Variants in CALCOCO2 observed in about 807,000 individuals in gnomAD.
The protein encoded by CALCOCO2 is calcium-binding and coiled-coil domain-containing protein 2.
CALCOCO2 carries 42 observed loss-of-function variants against 62.5 expected under a neutral mutation model. The observed-to-expected ratio is 0.67, with a 90% CI of 0.53 to 0.87. The LOEUF (loss-of-function observed/expected upper bound fraction) is 0.87. CALCOCO2 is among the 40% of genes least tolerant of loss of function. CALCOCO2 has a pLI of 0.00. For synonymous variants in CALCOCO2, 167 were observed against 173.0 expected, an observed-to-expected ratio of 0.97 and a Z score of 0.27; for missense variants, 456 against 515.0, an observed-to-expected ratio of 0.89 and a Z score of 1.11.
In CALCOCO2 at chr17:48,851,788, A is replaced by C. The variant is rs118009460; in HGVS notation, c.702+160A>C. Reference sequence around the variant, plus strand: ...CAGGTTATGTATTTTCCATTCTTGGACCAGGTAAGCCTCCACCCTACCCAT... The same window carrying C: ...CAGGTTATGTATTTTCCATTCTTGGCCCAGGTAAGCCTCCACCCTACCCAT... On this transcript the variant is annotated intron_variant, in intron 7 of 12. Transcript: ENST00000258947. 215 of 595,456 alleles carry C rather than the reference A, an allele frequency of 3.6e-4. No homozygotes were observed. The East Asian group carries it at 5.3e-3, about 15-fold the overall frequency. 36.9% of individuals were successfully genotyped at this position (595,456 alleles called of 1,614,324 possible).
chr17:48,857,759 G>A (rs1005481808), intron 10 of CALCOCO2, among the ~76,000 whole-genome samples: 5 of 149,472 alleles, frequency 3.3e-5, no homozygotes, highest in African/African-American at 9.8e-5. Flanking sequence ...TGGATCACAA[G>A]GTCAGGAGAT....
intron 2 of CALCOCO2, 62 bp downstream of exon 2, chr17:48,841,949 G>A (rs1283165019): frequency 1.7e-6 from 2 of 1,185,364 alleles, no homozygotes; most frequent in South Asian, 1.5e-5. Flanking sequence ...TTACCTAACT[G>A]TGTGACTCTC....
intron 2 of CALCOCO2, 113 bp from the exon 3 acceptor site, chr17:48,847,951 G>A (rs888509145): frequency 9.2e-6 from 6 of 653,192 alleles, no homozygotes; most frequent in East Asian, 2.8e-5. Context: ...CACTGCACCC[G>A]GCCTATATTT....
intron 10 of CALCOCO2, among the ~76,000 whole-genome samples, chr17:48,858,770 G>A (rs2040280953): frequency 6.6e-6 from 1 of 151,946 alleles, no homozygotes; most frequent in Non-Finnish European, 1.5e-5. Flanking sequence ...GTTAAGAACT[G>A]TAGGCCGGGT....
intron 6 of CALCOCO2, 172 bp from the exon 7 acceptor site, chr17:48,851,387 A>G: frequency 1.6e-6 from 1 of 624,098 alleles, no homozygotes; most frequent in South Asian, 1.9e-5. Flanking sequence ...TTAGGGATTG[A>G]ATACTTGCAG....
At position 48,848,066 on chromosome 17, in the gene CALCOCO2, G is replaced by A; in HGVS notation, c.183G>A (p.Val61=). The change falls in exon 3 of 13, where the codon GTG becomes GTA. Residue 61 remains valine, a splice_region_variant and synonymous_variant. Transcript: ENST00000258947. ...RRKDWIGIFR[V]GWKTTREYYT... is the part of the protein sequence containing the mutation. ...ATAAGAACTTCTTGTCATTGCAGGT[G>A]GGGTGGAAGACAACCCGTGAGTATT... The A allele has an allele frequency of 6.3e-7, 1 of 1,590,608 alleles. No homozygotes were observed. The highest frequency in any genetic ancestry group is 1.1e-5 in the South Asian group (1 of 90,354).
rs2040124166 is a variant in CALCOCO2 at position 48,851,146 on chromosome 17, C to CAGA, written c.604_606dup (p.Lys202dup). The CAGA allele has an allele frequency of 1.9e-6, 3 of 1,610,706 alleles. No homozygotes were observed. The highest frequency in any genetic ancestry group is 2.5e-6 in the Non-Finnish European group (3 of 1,177,002). On this transcript the variant is annotated inframe_insertion, in exon 6 of 13. Coordinates refer to ENST00000258947, the MANE Select transcript of CALCOCO2 (RefSeq NM_005831.5). Reference sequence around the variant, plus strand: ...GAAGTTGGAACTGAAAGTGAAAGAACAGAAGGACTATTGGGAGACAGAGCT... The same window carrying CAGA: ...GAAGTTGGAACTGAAAGTGAAAGAACAGAAGAAGGACTATTGGGAGACAGAGCT...
intron 10 of CALCOCO2, chr17:48,856,756 T>G: frequency 2.7e-6 from 1 of 371,208 alleles, no homozygotes; most frequent in Non-Finnish European, 5.2e-6. Flanking sequence ...GAAGTCAAGG[T>G]CATTCTCATG....
intron 9 of CALCOCO2, among the ~76,000 whole-genome samples, chr17:48,853,409 A>G (rs2040161679): frequency 6.6e-6 from 1 of 152,204 alleles, no homozygotes; most frequent in Non-Finnish European, 1.5e-5. Context: ...TATATTAGCA[A>G]TTATCATCAT....
chr17:48,848,523 T>A, intron 4 of CALCOCO2, 68 bp downstream of exon 4: 1 of 1,438,508 alleles, frequency 7.0e-7, no homozygotes, highest in African/African-American at 1.4e-5. Flanking sequence ...AGGATGGAAT[T>A]TGAGTTAATA....
chr17:48,861,661 G>GTGTATATATATATATATA (rs573456839), intron 11 of CALCOCO2, among the ~76,000 whole-genome samples: 1 of 135,154 alleles, frequency 7.4e-6, no homozygotes, highest in African/African-American at 2.9e-5. Context: ...ATGTGTGTGT[G>GTGTATATATATATATATA]TATATATATA....
intron 1 of CALCOCO2, among the ~76,000 whole-genome samples, chr17:48,836,223 C>T (rs1210864251): frequency 6.6e-6 from 1 of 151,992 alleles, no homozygotes; most frequent in African/African-American, 2.4e-5. Flanking sequence ...GAAATCAAAT[C>T]TGTTCCTTTT....
In CALCOCO2 at chr17:48,864,625, T is replaced by A. The variant is rs2040369896; in HGVS notation, c.*1620T>A. ...GAAACACGATGTCATGAATAAGGGT[T>A]GAGCCAACTATAGCTCTGTGTTCCT... On this transcript the variant is annotated 3_prime_UTR_variant, in exon 13 of 13. Transcript: ENST00000258947. 6.6e-6 allele frequency: 1 copy of A among 152,476 alleles called. No individual in the cohort carries two copies. The highest frequency in any genetic ancestry group is 2.4e-5 in the African/African-American group (1 of 41,488). The allele number at this position is 152,476 out of a possible 1,614,324, so 9.4% of individuals were successfully genotyped here.
intron 4 of CALCOCO2, 117 bp from the exon 5 acceptor site, chr17:48,849,135 G>A: frequency 1.1e-6 from 1 of 887,140 alleles, no homozygotes; most frequent in Non-Finnish European, 1.8e-6. Flanking sequence ...GCCCCCATCT[G>A]GGATACATAG....
intron 5 of CALCOCO2, 136 bp from the exon 6 acceptor site, chr17:48,850,953 G>A: frequency 1.8e-6 from 1 of 565,102 alleles, no homozygotes; most frequent in Non-Finnish European, 3.3e-6. Context: ...CCTTTTATTT[G>A]AGTATTTCAT....
rs997012627 is a variant in CALCOCO2 at position 48,852,826 on chromosome 17, A to G, written c.826-100A>G. 1.6e-5 allele frequency: 16 copies of G among 1,022,876 alleles called. No individual in the cohort carries two copies. The Admixed American group carries it at 1.7e-4, about 11-fold the overall frequency. 63.4% of individuals were successfully genotyped at this position (1,022,876 alleles called of 1,614,324 possible). ...GACGAGAGAAGACTTGCCTCTCCCT[A>G]TGCATCCTGCTTGCTCATTAGCTTA... On this transcript the variant is annotated intron_variant, in intron 8 of 12. Transcript: ENST00000258947.
intron 5 of CALCOCO2, among the ~76,000 whole-genome samples, chr17:48,850,341 CGGCTA>C (rs1455766164): frequency 6.9e-6 from 1 of 144,998 alleles, no homozygotes. Flanking sequence ...CCTGTAATCC[CGGCTA>C]CTCAGGAGGC....
In CALCOCO2 at chr17:48,847,905, T is replaced by A. The variant is rs555212321; in HGVS notation, c.181-159T>A. ...ACTGAGCTCAGGCAATCCACCCACCTTGGCCTCCCAAAGTGCTAGGATTAC... is the reference window on the plus strand; with the variant it reads ...ACTGAGCTCAGGCAATCCACCCACCATGGCCTCCCAAAGTGCTAGGATTAC... On this transcript the variant is annotated intron_variant, in intron 2 of 12. Coordinates refer to ENST00000258947, the MANE Select transcript of CALCOCO2 (RefSeq NM_005831.5). The A allele has an allele frequency of 6.6e-4, 366 of 557,804 alleles. 1 individual carries two copies. Among genetic ancestry groups the A allele is most frequent in the South Asian group, 1.2e-3 (58 of 46,744 alleles). 34.6% of individuals were successfully genotyped at this position (557,804 alleles called of 1,614,324 possible). A position where few individuals can be genotyped will look rare whatever the true frequency, so the allele number is the denominator to read the frequency against.
At chr17:48,856,026 A>C (rs2040209939) in intron 9 of CALCOCO2, 66 bp from the exon 10 acceptor site, 1 of 750,338 alleles carries the variant, frequency 1.3e-6, no homozygotes, top group Non-Finnish European at 2.2e-6. Flanking sequence ...GATTCTCTAC[A>C]ATTTCTCACC....
Sources: allele counts gnomAD v4.1 joint callset (sites outside exome capture counted in the v4.1 genomes callset), GRCh38; gene constraint gnomAD v4.1.1; transcripts MANE v1.5; gene names NCBI Gene and HGNC (gene_info 2026-07-23, HGNC 2026-07-21).